MNAT1: variants seen among roughly 807,000 people sequenced by gnomAD.
MNAT1 encodes MNAT1 component of CDK activating kinase, also known as CDK-activating kinase assembly factor MAT1.
A neutral mutation model predicts 42.0 loss-of-function variants in MNAT1; 43 were observed. The observed-to-expected ratio is 1.02, with a 90% CI of 0.80 to 1.32. The LOEUF is 1.32. Among genes scored for constraint, MNAT1 ranks in the 40% most tolerant of loss-of-function variants. The probability of loss-of-function intolerance (pLI) is 0.00; values close to 1 mark genes in which losing one functional copy is unlikely to be tolerated. For synonymous variants in MNAT1, 118 were observed against 120.0 expected, an observed-to-expected ratio of 0.98 and a Z score of 0.11; for missense variants, 306 against 350.4, an observed-to-expected ratio of 0.87 and a Z score of 1.01.
intron 7 of MNAT1, among the ~76,000 whole-genome samples, chr14:60,961,204 C>A (rs1044087362): frequency 6.6e-6 from 1 of 152,170 alleles, no homozygotes; most frequent in African/African-American, 2.4e-5. Flanking sequence ...TCAGATGATC[C>A]GCCCACCTCG....
At position 60,943,028 on chromosome 14, in the gene MNAT1, G is replaced by GC. The variant is rs1184229445; in HGVS notation, c.810-25201_810-25200insC. Among the ~76,000 whole-genome samples, 8 of 131,508 alleles carry GC rather than the reference G, an allele frequency of 6.1e-5. 1 individual carries two copies. Among genetic ancestry groups the GC allele is most frequent in the African/African-American group, 2.3e-4 (8 of 34,130 alleles). The allele number at this position is 131,508 out of a possible 152,430, so 86.3% of individuals were successfully genotyped here. On this transcript the variant is annotated intron_variant, in intron 7 of 7. Transcript: ENST00000261245. Reference sequence around the variant, plus strand: ...AGTGTGTGTGTGTGTGTGTGTGTGTGTGTGTGTGTGTGTGTGTGTGTGCGC... The same window carrying GC: ...AGTGTGTGTGTGTGTGTGTGTGTGTGCTGTGTGTGTGTGTGTGTGTGTGCGC...
chr14:60,809,347 C>G (rs984796840), intron 4 of MNAT1, among the ~76,000 whole-genome samples: 1 of 152,064 alleles, frequency 6.6e-6, no homozygotes, highest in East Asian at 1.9e-4. Context: ...CTGTAAAACT[C>G]TCAATGAATT....
intron 7 of MNAT1, among the ~76,000 whole-genome samples, chr14:60,941,253 A>G (rs1016563825): frequency 1.3e-5 from 2 of 152,184 alleles, no homozygotes; most frequent in East Asian, 1.9e-4. Context: ...TTGATCTCTT[A>G]GTCCCTGTGA....
intron 1 of MNAT1, among the ~76,000 whole-genome samples, chr14:60,748,784 T>C (rs966954673): frequency 1.1e-4 from 16 of 152,228 alleles, no homozygotes; most frequent in Non-Finnish European, 2.4e-4. Context: ...AATGAACTTT[T>C]TTTTTTATTA....
intron 6 of MNAT1, among the ~76,000 whole-genome samples, chr14:60,842,012 A>G (rs1000360246): frequency 2.0e-5 from 3 of 152,240 alleles, no homozygotes; most frequent in African/African-American, 7.2e-5. Flanking sequence ...TGTGCAGCTC[A>G]AAACCCAGAC....
rs3080602 is a variant in MNAT1, at chr14:60,942,003, C to CAAAAAAA, written c.810-26203_810-26197dup. ...TGGGCGACAGAATGAGGCTCCATCT[C>CAAAAAAA]AAAAAAAAAAAAAAAAAAAAAAAAA... On this transcript the variant is annotated intron_variant, in intron 7 of 7. Coordinates refer to ENST00000261245, the MANE Select transcript of MNAT1 (RefSeq NM_002431.4). 1.3e-3 allele frequency among the ~76,000 whole-genome samples: 40 copies of CAAAAAAA among 29,940 alleles called. 10 individuals carry two copies. The highest frequency in any genetic ancestry group is 6.7e-3 in the African/African-American group (36 of 5,362). The allele number at this position is 29,940 out of a possible 152,430, so 19.6% of individuals were successfully genotyped here.
intron 5 of MNAT1, among the ~76,000 whole-genome samples, chr14:60,815,039 T>G (rs954295441): frequency 9.6e-4 from 146 of 152,264 alleles, no homozygotes; most frequent in African/African-American, 3.2e-3. Context: ...ATACAAAGAG[T>G]TACAGGCTCT....
chr14:60,766,721 A>G (rs1273850017), intron 1 of MNAT1, among the ~76,000 whole-genome samples: 1 of 152,122 alleles, frequency 6.6e-6, no homozygotes, highest in African/African-American at 2.4e-5. Flanking sequence ...AAAAAACAAA[A>G]ATCTTTTTGA....
At chr14:60,823,180 A>G (rs912638209) in intron 6 of MNAT1, among the ~76,000 whole-genome samples, 2 of 152,200 alleles carry the variant, frequency 1.3e-5, no homozygotes, top group African/African-American at 2.4e-5. Context: ...TTTAAGGTCA[A>G]CAACCTTGAA....
intron 1 of MNAT1, among the ~76,000 whole-genome samples, chr14:60,781,914 C>G (rs1452521700): frequency 6.8e-6 from 1 of 146,294 alleles, no homozygotes; most frequent in Non-Finnish European, 1.5e-5. Flanking sequence ...AATACTACCT[C>G]TTTCCTATGC....
chr14:60,786,541 A>T (rs920610887), intron 1 of MNAT1, among the ~76,000 whole-genome samples: 3 of 152,150 alleles, frequency 2.0e-5, no homozygotes, highest in Non-Finnish European at 1.5e-5. Context: ...CATTTATCAT[A>T]TTAGGAATTA....
At chr14:60,753,568 G>T (rs2030197297) in intron 1 of MNAT1, 1 of 152,144 alleles carries the variant, frequency 6.6e-6, no homozygotes, top group Non-Finnish European at 1.5e-5. Context: ...TGATTCAAGA[G>T]AGAGACAAAC....
intron 1 of MNAT1, among the ~76,000 whole-genome samples, chr14:60,773,036 C>T (rs10150605): frequency 0.92 from 138,960 of 151,760 alleles, 64,300 homozygotes; most frequent in Non-Finnish European, 0.99. Context: ...CTCCCTGGTT[C>T]AAGCGATTCT....
At chr14:60,843,818 G>A (rs1276607527) in intron 6 of MNAT1, among the ~76,000 whole-genome samples, 2 of 152,048 alleles carry the variant, frequency 1.3e-5, no homozygotes, top group Non-Finnish European at 2.9e-5. Context: ...ATTTATGAAT[G>A]TTTTTCTTTT....
intron 6 of MNAT1, among the ~76,000 whole-genome samples, chr14:60,855,110 C>G (rs971423382): frequency 6.6e-6 from 1 of 152,216 alleles, no homozygotes. Context: ...CTCCTTAACA[C>G]TGTCAGGGAA....
intron 1 of MNAT1, among the ~76,000 whole-genome samples, chr14:60,779,589 C>T (rs2031377749): frequency 1.3e-5 from 2 of 152,046 alleles, no homozygotes. Flanking sequence ...AGATCAAGAC[C>T]ATCCTGACCA....
At chr14:60,863,762 A>AT (rs2034147561) in intron 6 of MNAT1, among the ~76,000 whole-genome samples, 1 of 152,032 alleles carries the variant, frequency 6.6e-6, no homozygotes, top group African/African-American at 2.4e-5. Context: ...AAGGATTGTG[A>AT]TTTTGCTGTA....
chr14:60,896,508 G>C (rs941063921), intron 7 of MNAT1, among the ~76,000 whole-genome samples: 6 of 151,464 alleles, frequency 4.0e-5, no homozygotes, highest in African/African-American at 1.5e-4. Context: ...TTTTCTTTTT[G>C]AAATGGAGTC....
Position 60,968,596 on chromosome 14 carries a change from G to A in MNAT1, c.*247G>A. ...GATAAGCCTCATCTGATGGAAGAGA[G>A]GAATAAATAATTCACCTATATGTGT... On this transcript the variant is annotated 3_prime_UTR_variant, in exon 8 of 8. Transcript: ENST00000261245. 9.0e-7 allele frequency: 1 copy of A among 1,115,408 alleles called. No homozygotes were observed. Among genetic ancestry groups the A allele is most frequent in the Non-Finnish European group, 1.2e-6 (1 of 817,038 alleles). 69.1% of individuals were successfully genotyped at this position (1,115,408 alleles called of 1,614,324 possible). A position where few individuals can be genotyped will look rare whatever the true frequency, so the allele number is the denominator to read the frequency against.
Sources: gnomAD v4.1 joint callset for allele counts (sites outside exome capture counted in the v4.1 genomes callset) on GRCh38, gnomAD v4.1.1 for gene constraint, MANE v1.5 for transcripts, NCBI Gene and HGNC (gene_info 2026-07-23, HGNC 2026-07-21) for gene names.